RMRP: variants seen among roughly 807,000 people sequenced by gnomAD.
RMRP encodes RNase MRP RNA.
chr9:35,657,942 G>C lies in RMRP; in HGVS notation n.76C>G. The C allele has an allele frequency of 1.4e-6, 1 of 700,462 alleles. No individual in the cohort carries two copies. The highest frequency in any genetic ancestry group is 2.6e-6 in the Non-Finnish European group (1 of 384,824). The allele number at this position is 700,462 out of a possible 1,614,324, so 43.4% of individuals were successfully genotyped here. ...GTGGCACTCTCTGCCCGAGGTCCGG[G>C]GACTTTCCCCTAGGCGGAAAGGGGA... On this transcript the variant is annotated non_coding_transcript_exon_variant, in exon 1 of 1. Transcript: ENST00000363046.
chr9:35,657,821 C>G (rs1384419955), exon 1 of RMRP: 3 of 692,894 alleles, frequency 4.3e-6, no homozygotes, highest in Non-Finnish European at 7.8e-6. Context: ...CTAGAGGGAG[C>G]TGACGGATGA....
exon 1 of RMRP, chr9:35,657,768 G>T: frequency 1.4e-6 from 1 of 693,112 alleles, no homozygotes; most frequent in Non-Finnish European, 2.6e-6. Flanking sequence ...CGCTGAGAAT[G>T]AGCCCCGTGT....
At position 35,657,828 on chromosome 9, in the gene RMRP, A is replaced by AT. The variant is rs1385833912; in HGVS notation, n.189dup. 1.4e-6 allele frequency: 1 copy of AT among 692,944 alleles called. No individual in the cohort carries two copies. The highest frequency in any genetic ancestry group is 2.6e-6 in the Non-Finnish European group (1 of 384,728). The allele number at this position is 692,944 out of a possible 1,614,324, so 42.9% of individuals were successfully genotyped here. ...CTGCGTAACTAGAGGGAGCTGACGG[A>AT]TGACGCCCCCGCGCCACGCCGCTCA... On this transcript the variant is annotated non_coding_transcript_exon_variant, in exon 1 of 1. Transcript: ENST00000363046.
Position 35,657,919 on chromosome 9 carries a change from G to A in RMRP, n.99C>T, listed in dbSNP as rs536333075. On this transcript the variant is annotated non_coding_transcript_exon_variant, in exon 1 of 1. Transcript: ENST00000363046. Reference sequence around the variant, plus strand: ...GGAATGTCTACGTGCGTATGCACGTGGCACTCTCTGCCCGAGGTCCGGGGA... The same window carrying A: ...GGAATGTCTACGTGCGTATGCACGTAGCACTCTCTGCCCGAGGTCCGGGGA... 28 of 700,456 alleles carry A rather than the reference G, an allele frequency of 4.0e-5. No individual in the cohort carries two copies. Among genetic ancestry groups the A allele is most frequent in the South Asian group, 1.9e-4 (13 of 67,514 alleles). 43.4% of individuals were successfully genotyped at this position (700,456 alleles called of 1,614,324 possible).
At position 35,657,855 on chromosome 9, in the gene RMRP, C is replaced by A; in HGVS notation, n.163G>T. 1.4e-6 allele frequency: 1 copy of A among 693,938 alleles called. No individual in the cohort carries two copies. Among genetic ancestry groups the A allele is most frequent in the African/African-American group, 1.9e-5 (1 of 51,384 alleles). The allele number at this position is 693,938 out of a possible 1,614,324, so 43.0% of individuals were successfully genotyped here. A position where few individuals can be genotyped will look rare whatever the true frequency, so the allele number is the denominator to read the frequency against. ...GACGCCCCCGCGCCACGCCGCTCAG[C>A]GGGATACGCTTCTTGGCGGACTTTG... On this transcript the variant is annotated non_coding_transcript_exon_variant, in exon 1 of 1. Transcript: ENST00000363046.
rs1554651153 is a variant in RMRP at position 35,657,836 on chromosome 9, C to T, written n.182G>A. 3 of 693,330 alleles carry T rather than the reference C, an allele frequency of 4.3e-6. No homozygotes were observed. Among genetic ancestry groups the T allele is most frequent in the East Asian group, 2.7e-5 (1 of 37,286 alleles). The allele number at this position is 693,330 out of a possible 1,614,324, so 42.9% of individuals were successfully genotyped here. A position where few individuals can be genotyped will look rare whatever the true frequency, so the allele number is the denominator to read the frequency against. On this transcript the variant is annotated non_coding_transcript_exon_variant, in exon 1 of 1. Coordinates refer to ENST00000363046, the Ensembl canonical transcript of RMRP. ...CTAGAGGGAGCTGACGGATGACGCC[C>T]CCGCGCCACGCCGCTCAGCGGGATA...
At chr9:35,657,868 T>A in exon 1 of RMRP, 1 of 693,334 alleles carries the variant, frequency 1.4e-6, no homozygotes. Context: ...GATACGCTTC[T>A]TGGCGGACTT....
At position 35,658,003 on chromosome 9, in the gene RMRP, G is replaced by A. The variant is rs772664375; in HGVS notation, n.15C>T. The A allele has an allele frequency of 7.0e-5, 49 of 695,804 alleles. No individual in the cohort carries two copies. The highest frequency in any genetic ancestry group is 1.1e-4 in the Non-Finnish European group (43 of 381,230). The allele number at this position is 695,804 out of a possible 1,614,324, so 43.1% of individuals were successfully genotyped here. A position where few individuals can be genotyped will look rare whatever the true frequency, so the allele number is the denominator to read the frequency against. On this transcript the variant is annotated non_coding_transcript_exon_variant, in exon 1 of 1. Transcript: ENST00000363046. ...CCTCAGTGTGTAGCCTAGGATACAG[G>A]CCTTCAGCACGAACCACGTCCTCAG...
rs772665785 is a variant in RMRP at position 35,657,805 on chromosome 9, G to T, written n.213C>A. The T allele has an allele frequency of 2.9e-6, 2 of 700,130 alleles. No individual in the cohort carries two copies. Among genetic ancestry groups the T allele is most frequent in the African/African-American group, 3.5e-5 (2 of 57,200 alleles). The allele number at this position is 700,130 out of a possible 1,614,324, so 43.4% of individuals were successfully genotyped here. On this transcript the variant is annotated non_coding_transcript_exon_variant, in exon 1 of 1. Transcript: ENST00000363046. The stretch of plus-strand genomic sequence containing the variant: ...GTTGGTGCGCGGACACGCACTGCCT[G>T]CGTAACTAGAGGGAGCTGACGGATG...
At position 35,657,879 on chromosome 9, in the gene RMRP, T is replaced by TG. The variant is rs1823613724; in HGVS notation, n.138dup. 1.4e-6 allele frequency: 1 copy of TG among 694,698 alleles called. No individual in the cohort carries two copies. 43.0% of individuals were successfully genotyped at this position (694,698 alleles called of 1,614,324 possible). On this transcript the variant is annotated non_coding_transcript_exon_variant, in exon 1 of 1. Coordinates refer to ENST00000363046, the Ensembl canonical transcript of RMRP. ...GCGGGATACGCTTCTTGGCGGACTT[T>TG]GGAGTGGGAAGCGGGGAATGTCTAC...
At position 35,657,756 on chromosome 9, in the gene RMRP, C is replaced by G. The variant is rs727502774; in HGVS notation, n.262G>C. ...CGTGGTCTCGGGAACAAAAAACAGC[C>G]GCGCTGAGAATGAGCCCCGTGTGGT... On this transcript the variant is annotated non_coding_transcript_exon_variant, in exon 1 of 1. Coordinates refer to ENST00000363046, the Ensembl canonical transcript of RMRP. The G allele has an allele frequency of 2.9e-6, 2 of 685,554 alleles. No individual in the cohort carries two copies. Among genetic ancestry groups the G allele is most frequent in the Admixed American group, 2.0e-5 (1 of 49,302 alleles). 42.5% of individuals were successfully genotyped at this position (685,554 alleles called of 1,614,324 possible).
rs1491544612 is a variant in RMRP, at chr9:35,657,947, TTC to T, written n.69_70del. ...ACTCTCTGCCCGAGGTCCGGGGACT[TTC>T]CCCTAGGCGGAAAGGGGAGGAACAG... On this transcript the variant is annotated non_coding_transcript_exon_variant, in exon 1 of 1. Transcript: ENST00000363046. 4.3e-6 allele frequency: 3 copies of T among 700,316 alleles called. No individual in the cohort carries two copies. The highest frequency in any genetic ancestry group is 5.2e-6 in the Non-Finnish European group (2 of 384,822). 43.4% of individuals were successfully genotyped at this position (700,316 alleles called of 1,614,324 possible). A position where few individuals can be genotyped will look rare whatever the true frequency, so the allele number is the denominator to read the frequency against.
exon 1 of RMRP, chr9:35,657,914 C>A (rs774079455): frequency 2.9e-6 from 2 of 700,068 alleles, no homozygotes; most frequent in South Asian, 3.0e-5. Flanking sequence ...CGTGCGTATG[C>A]ACGTGGCACT....
chr9:35,657,878 T>G (rs1303112183), exon 1 of RMRP: 1 of 700,416 alleles, frequency 1.4e-6, no homozygotes, highest in Non-Finnish European at 2.6e-6. Flanking sequence ...TTGGCGGACT[T>G]TGGAGTGGGA....
chr9:35,657,867 C>G, exon 1 of RMRP: 1 of 700,466 alleles, frequency 1.4e-6, no homozygotes, highest in Non-Finnish European at 2.6e-6. Context: ...GGATACGCTT[C>G]TTGGCGGACT....
rs954709065 is a variant in RMRP at position 35,657,917 on chromosome 9, G to A, written n.101C>T. 2.3e-5 allele frequency: 16 copies of A among 700,110 alleles called. No homozygotes were observed. Among genetic ancestry groups the A allele is most frequent in the African/African-American group, 3.5e-5 (2 of 56,998 alleles). 43.4% of individuals were successfully genotyped at this position (700,110 alleles called of 1,614,324 possible). A position where few individuals can be genotyped will look rare whatever the true frequency, so the allele number is the denominator to read the frequency against. On this transcript the variant is annotated non_coding_transcript_exon_variant, in exon 1 of 1. Transcript: ENST00000363046. The stretch of plus-strand genomic sequence containing the variant: ...GGGGAATGTCTACGTGCGTATGCAC[G>A]TGGCACTCTCTGCCCGAGGTCCGGG...
chr9:35,658,015 A>AACCACGTCCTCAGCTTCACAGAGT lies in RMRP; in HGVS notation n.2_3insACTCTGTGAAGCTGAGGACGTGGT, dbSNP rs1563907676. 1 of 690,938 alleles carries AACCACGTCCTCAGCTTCACAGAGT rather than the reference A, an allele frequency of 1.4e-6. No individual in the cohort carries two copies. The allele number at this position is 690,938 out of a possible 1,614,324, so 42.8% of individuals were successfully genotyped here. A position where few individuals can be genotyped will look rare whatever the true frequency, so the allele number is the denominator to read the frequency against. ...GCCTAGGATACAGGCCTTCAGCACG[A>AACCACGTCCTCAGCTTCACAGAGT]ACCACGTCCTCAGCTTCACAGAGTA... On this transcript the variant is annotated non_coding_transcript_exon_variant, in exon 1 of 1. Transcript: ENST00000363046.
rs761398394 is a variant in RMRP at position 35,657,825 on chromosome 9, C to G, written n.193G>C. On this transcript the variant is annotated non_coding_transcript_exon_variant, in exon 1 of 1. Transcript: ENST00000363046. ...TGCCTGCGTAACTAGAGGGAGCTGACGGATGACGCCCCCGCGCCACGCCGC... is the reference window on the plus strand; with the variant it reads ...TGCCTGCGTAACTAGAGGGAGCTGAGGGATGACGCCCCCGCGCCACGCCGC... 1.4e-6 allele frequency: 1 copy of G among 700,448 alleles called. No homozygotes were observed. Among genetic ancestry groups the G allele is most frequent in the Non-Finnish European group, 2.6e-6 (1 of 384,818 alleles). 43.4% of individuals were successfully genotyped at this position (700,448 alleles called of 1,614,324 possible).
chr9:35,657,922 A>G (rs963319834), exon 1 of RMRP: 5 of 700,076 alleles, frequency 7.1e-6, no homozygotes, highest in Non-Finnish European at 1.3e-5. Context: ...TGCACGTGGC[A>G]CTCTCTGCCC....
Sources: allele counts gnomAD v4.1 joint callset, GRCh38; gene constraint gnomAD v4.1.1; transcripts MANE v1.5; gene names NCBI Gene and HGNC (gene_info 2026-07-23, HGNC 2026-07-21).